Variants in CCBE1 observed in about 807,000 individuals in gnomAD.
CCBE1 encodes the protein collagen and calcium-binding EGF domain-containing protein 1.
Under a neutral mutation model 50.0 loss-of-function variants are expected in CCBE1, and 37 were observed. That is an observed-to-expected ratio of 0.74 (90% CI 0.57 to 0.97). CCBE1 has a LOEUF of 0.97. Among genes scored for constraint, CCBE1 ranks in the 50% least tolerant of loss-of-function variants. The pLI is 0.00. For synonymous variants in CCBE1, 234 were observed against 203.7 expected, an observed-to-expected ratio of 1.15 and a Z score of -1.27; for missense variants, 538 against 523.8, an observed-to-expected ratio of 1.03 and a Z score of -0.26.
At chr18:59,578,847 T>C (rs774342985) in intron 2 of CCBE1, among the ~76,000 whole-genome samples, 1 of 152,176 alleles carries the variant, frequency 6.6e-6, no homozygotes, top group Admixed American at 6.5e-5. Flanking sequence ...ATACCTAATG[T>C]AGATGACAGG....
intron 7 of CCBE1, among the ~76,000 whole-genome samples, chr18:59,442,381 C>CA (rs1910473184): frequency 6.6e-6 from 1 of 152,152 alleles, no homozygotes; most frequent in South Asian, 2.1e-4. Context: ...ATGCACTGTA[C>CA]ATGTATGTGT....
intron 2 of CCBE1, chr18:59,688,097 T>G (rs1179826986): frequency 1.3e-5 from 2 of 152,202 alleles, no homozygotes; most frequent in Non-Finnish European, 2.9e-5. Context: ...AATGGCTTTT[T>G]TTCCCTCGAT....
In CCBE1 at chr18:59,604,085, T is replaced by C. The variant is rs543419813; in HGVS notation, c.212+92544A>G. ...CTCTCTGGTACTTTATCTCCTCTTATGCAGGCAAATAAGGAAGGATCCAAT... is the reference window on the plus strand; with the variant it reads ...CTCTCTGGTACTTTATCTCCTCTTACGCAGGCAAATAAGGAAGGATCCAAT... On this transcript the variant is annotated intron_variant, in intron 2 of 10. Coordinates refer to ENST00000439986, the MANE Select transcript of CCBE1 (RefSeq NM_133459.4). 5.3e-5 allele frequency among the ~76,000 whole-genome samples: 8 copies of C among 152,336 alleles called. No individual in the cohort carries two copies. In the South Asian group the frequency reaches 1.4e-3, roughly 28 times the overall value.
chr18:59,648,139 T>C (rs1599098890), intron 2 of CCBE1, among the ~76,000 whole-genome samples: 1 of 152,234 alleles, frequency 6.6e-6, no homozygotes, highest in Non-Finnish European at 1.5e-5. Context: ...CAGGGAGCTG[T>C]GGACCCTCAA....
chr18:59,632,550 A>G (rs1168165812), intron 2 of CCBE1, among the ~76,000 whole-genome samples: 1 of 151,896 alleles, frequency 6.6e-6, no homozygotes, highest in African/African-American at 2.4e-5. Context: ...CTGGAATTAC[A>G]GGCGTGAGCC....
Position 59,447,999 on chromosome 18 carries a change from C to A in CCBE1, c.759G>T (p.Gly253=). 6.2e-7 allele frequency: 1 copy of A among 1,614,190 alleles called. No individual in the cohort carries two copies. The highest frequency in any genetic ancestry group is 2.2e-5 in the East Asian group (1 of 44,874). The change falls in exon 7 of 11, where the codon GGG becomes GGT. Residue 253 remains glycine (G), a synonymous_variant. Transcript: ENST00000439986. The part of the protein sequence containing the change: ...TYLPGPPGLP[G]GQGPPGSPGP... ...CACACTCACCGGGAGGGCCCTGGCC[C>A]CCAGGCAGGCCAGGAGGTCCTGGAA...
intron 2 of CCBE1, among the ~76,000 whole-genome samples, chr18:59,656,884 A>C (rs2054197875): frequency 6.6e-6 from 1 of 152,220 alleles, no homozygotes; most frequent in Non-Finnish European, 1.5e-5. Context: ...CCACCATTGT[A>C]ATCTGCCATT....
intron 5 of CCBE1, chr18:59,455,252 C>G: frequency 2.1e-6 from 1 of 467,058 alleles, no homozygotes; most frequent in Non-Finnish European, 4.0e-6. Context: ...GGCCTTTTAT[C>G]AGTGCTTTTC....
intron 2 of CCBE1, among the ~76,000 whole-genome samples, chr18:59,526,033 G>A (rs1365645436): frequency 6.6e-6 from 1 of 152,100 alleles, no homozygotes; most frequent in Admixed American, 6.6e-5. Flanking sequence ...ATGCCTCCAA[G>A]CTTTGTTCTT....
At chr18:59,572,481 T>C (rs944030287) in intron 2 of CCBE1, among the ~76,000 whole-genome samples, 4 of 152,244 alleles carry the variant, frequency 2.6e-5, no homozygotes, top group Non-Finnish European at 1.5e-5. Context: ...CAGAGATTGA[T>C]ATGATCATGC....
At chr18:59,675,637 AC>A (rs34661021) in intron 2 of CCBE1, among the ~76,000 whole-genome samples, 5,814 of 152,222 alleles carry the variant, frequency 0.038, 348 homozygotes, top group African/African-American at 0.13. Context: ...TTAAAGGAAA[AC>A]CCCCACAACA....
chr18:59,446,129 G>A (rs1282498556), intron 7 of CCBE1, among the ~76,000 whole-genome samples: 2 of 152,164 alleles, frequency 1.3e-5, no homozygotes, highest in African/African-American at 4.8e-5. Flanking sequence ...TCAAAGGCCG[G>A]GTCTGTTGCA....
At chr18:59,641,612 G>A (rs1234737628) in intron 2 of CCBE1, among the ~76,000 whole-genome samples, 1 of 152,118 alleles carries the variant, frequency 6.6e-6, no homozygotes, top group South Asian at 2.1e-4. Context: ...AGAAATAAAA[G>A]TGCAAATGTC....
At chr18:59,620,170 C>A (rs1289054861) in intron 2 of CCBE1, among the ~76,000 whole-genome samples, 1 of 152,142 alleles carries the variant, frequency 6.6e-6, no homozygotes, top group East Asian at 1.9e-4. Flanking sequence ...GACTCCAGGC[C>A]CCTTAGAGCA....
chr18:59,556,390 G>A lies in CCBE1; in HGVS notation c.213-76152C>T, dbSNP rs184360237. Among the ~76,000 whole-genome samples, 290 of 152,260 alleles carry A rather than the reference G, an allele frequency of 1.9e-3. 1 individual carries two copies. The highest frequency in any genetic ancestry group is 3.3e-3 in the Non-Finnish European group (225 of 68,014). ...AGGAGGACTCCAATCAGCAGGACAG[G>A]GGAAAGTGACCTGCAGTAACATATG... On this transcript the variant is annotated intron_variant, in intron 2 of 10. Coordinates refer to ENST00000439986, the MANE Select transcript of CCBE1 (RefSeq NM_133459.4).
At chr18:59,444,099 A>G (rs1250817804) in intron 7 of CCBE1, among the ~76,000 whole-genome samples, 1 of 141,154 alleles carries the variant, frequency 7.1e-6, no homozygotes, top group Non-Finnish European at 1.5e-5. Flanking sequence ...ATAATATTCC[A>G]TTGTAAGTGT....
intron 2 of CCBE1, among the ~76,000 whole-genome samples, chr18:59,538,344 G>T (rs747413801): frequency 2.1e-4 from 32 of 152,242 alleles, no homozygotes; most frequent in Non-Finnish European, 4.4e-4. Flanking sequence ...CTCTGATAAA[G>T]TTATTTTTCC....
chr18:59,469,653 G>A, intron 3 of CCBE1, 46 bp from the exon 4 acceptor site: 1 of 1,612,546 alleles, frequency 6.2e-7, no homozygotes, highest in African/African-American at 1.3e-5. Flanking sequence ...GGAGGAGGCG[G>A]AGTAACCTGG....
rs200406049 is a variant in CCBE1 at position 59,490,026 on chromosome 18, G to A, written c.213-9788C>T. Among the ~76,000 whole-genome samples the A allele has an allele frequency of 8.6e-4, 86 of 99,708 alleles. 1 individual carries two copies. The highest frequency in any genetic ancestry group is 8.0e-3 in the East Asian group (23 of 2,882). The allele number at this position is 99,708 out of a possible 152,430, so 65.4% of individuals were successfully genotyped here. On this transcript the variant is annotated intron_variant, in intron 2 of 10. Coordinates refer to ENST00000439986, the MANE Select transcript of CCBE1 (RefSeq NM_133459.4). ...TTTTGAGATGGAGTTTCCTTTTGTC[G>A]CCCAGGCTGGAGTGCAGTGGCGTGA...
Sources: allele counts gnomAD v4.1 joint callset (sites outside exome capture counted in the v4.1 genomes callset), GRCh38; gene constraint gnomAD v4.1.1; transcripts MANE v1.5; gene names NCBI Gene and HGNC (gene_info 2026-07-23, HGNC 2026-07-21).